KRABD3: variants seen among roughly 807,000 people sequenced by gnomAD.
KRABD3 encodes the protein KRAB domain containing 3.
At chr7:149,729,648 C>G in the KRABD3 span, 1 of 985,066 alleles carries the variant, frequency 1.0e-6, no homozygotes, top group Non-Finnish European at 1.2e-6. Context: ...CCGCCGTCCA[C>G]TGCTGCTGCT....
the KRABD3 span, chr7:149,715,018 C>T: frequency 8.1e-7 from 1 of 1,227,866 alleles, no homozygotes; most frequent in African/African-American, 1.6e-5. Context: ...GGGCCCGCGC[C>T]GGAAACCGAG....
At chr7:149,729,909 G>A in the KRABD3 span, 2 of 1,266,518 alleles carry the variant, frequency 1.6e-6, no homozygotes, top group Admixed American at 3.8e-5. Context: ...TCCAAGGACT[G>A]GAGACTTCCA....
chr7:149,733,671 G>T, the KRABD3 span: 2 of 1,586,732 alleles, frequency 1.3e-6, no homozygotes, highest in Non-Finnish European at 1.7e-6. Flanking sequence ...CTCTCCAGAG[G>T]GACCGCTCGC....
chr7:149,715,183 C>T, the KRABD3 span: 1 of 1,224,476 alleles, frequency 8.2e-7, no homozygotes, highest in African/African-American at 1.6e-5. Context: ...CTGGGCAGGC[C>T]TGATGCTCAG....
the KRABD3 span, among the ~76,000 whole-genome samples, chr7:149,728,932 C>T: frequency 2.0e-5 from 3 of 152,186 alleles, no homozygotes; most frequent in East Asian, 1.9e-4. Flanking sequence ...GTCCTTGTCC[C>T]GGCCGTGCCA....
At chr7:149,715,534 G>A in the KRABD3 span, among the ~76,000 whole-genome samples, 489 of 152,278 alleles carry the variant, frequency 3.2e-3, 2 homozygotes, top group South Asian at 0.012. Context: ...GCACCGTTTG[G>A]GCTAGGTTGT....
At chr7:149,729,211 T>C in the KRABD3 span, 1 of 1,570,680 alleles carries the variant, frequency 6.4e-7, no homozygotes. Flanking sequence ...GGCCTGCGAG[T>C]CAGCCCGTCT....
chr7:149,722,466 G>A, the KRABD3 span: 3 of 1,607,804 alleles, frequency 1.9e-6, no homozygotes, highest in Admixed American at 1.7e-5. Context: ...AGGCCCAGGA[G>A]CCCTGGGCGG....
chr7:149,720,789 T>C, the KRABD3 span: 7 of 1,536,418 alleles, frequency 4.6e-6, no homozygotes, highest in Non-Finnish European at 5.2e-6. Flanking sequence ...GTGTGAGTGC[T>C]GAGCAGCCGC....
the KRABD3 span, chr7:149,723,748 G>T: frequency 6.2e-7 from 1 of 1,613,266 alleles, no homozygotes; most frequent in Non-Finnish European, 8.5e-7. Flanking sequence ...GACCGAGGCG[G>T]TTTCAGGGGA....
At chr7:149,721,746 C>T in the KRABD3 span, 2 of 708,386 alleles carry the variant, frequency 2.8e-6, no homozygotes, top group South Asian at 3.0e-5. Context: ...ATGCTCAGCC[C>T]CTGGGGAGCC....
At chr7:149,721,473 C>T in the KRABD3 span, 2 of 1,613,004 alleles carry the variant, frequency 1.2e-6, no homozygotes, top group African/African-American at 1.3e-5. Flanking sequence ...ACCACGCCCA[C>T]CGACAGCTCG....
chr7:149,730,402 G>C, the KRABD3 span: 1 of 1,571,458 alleles, frequency 6.4e-7, no homozygotes, highest in Non-Finnish European at 8.6e-7. Flanking sequence ...TCACCACTCT[G>C]ATGCCAGCTT....
chr7:149,728,491 C>T, the KRABD3 span: 1 of 1,608,784 alleles, frequency 6.2e-7, no homozygotes, highest in Admixed American at 1.7e-5. Context: ...GAGCTACAGT[C>T]CCCCTCATCT....
the KRABD3 span, chr7:149,733,996 G>C: frequency 6.2e-7 from 1 of 1,611,252 alleles, no homozygotes; most frequent in East Asian, 2.2e-5. Flanking sequence ...GGGCCCTCCA[G>C]GAAGAACTGT....
At chr7:149,733,212 C>T in the KRABD3 span, 4 of 1,602,060 alleles carry the variant, frequency 2.5e-6, no homozygotes, top group South Asian at 1.1e-5. Context: ...TTAGCCAAGA[C>T]CCATGAGAGG....
the KRABD3 span, among the ~76,000 whole-genome samples, chr7:149,720,312 A>G: frequency 6.6e-6 from 1 of 152,134 alleles, no homozygotes; most frequent in African/African-American, 2.4e-5. Context: ...CACTCAGAGA[A>G]AGCCTGGGGT....
At chr7:149,725,642 C>T in the KRABD3 span, among the ~76,000 whole-genome samples, 587 of 152,340 alleles carry the variant, frequency 3.9e-3, 1 homozygote, top group African/African-American at 0.013. Flanking sequence ...AACAGCCGCC[C>T]GCATGTGCTG....
chr7:149,720,085 G>T, the KRABD3 span: 2 of 1,553,236 alleles, frequency 1.3e-6, no homozygotes, highest in Non-Finnish European at 8.7e-7. Flanking sequence ...AGGGAGCCAC[G>T]CTGATGAGGG....
Sources: allele counts gnomAD v4.1 joint callset (sites outside exome capture counted in the v4.1 genomes callset), GRCh38; gene constraint gnomAD v4.1.1; transcripts MANE v1.5; gene names NCBI Gene and HGNC (gene_info 2026-07-23, HGNC 2026-07-21).